RFX8: variants seen among roughly 807,000 people sequenced by gnomAD.
RFX8 encodes regulatory factor X8, also known as DNA-binding protein RFX8.
RFX8 carries 46 observed loss-of-function variants against 54.6 expected under a neutral mutation model. The observed-to-expected ratio is 0.84, with a 90% confidence interval of 0.67 to 1.08. The LOEUF (loss-of-function observed/expected upper bound fraction) is 1.08. Among genes scored for constraint, RFX8 ranks in the 50% least tolerant of loss-of-function variants. RFX8 has a pLI of 0.00. For synonymous variants in RFX8, 192 were observed against 209.5 expected (o/e 0.92, Z 0.72); for missense variants, 536 against 562.3 (o/e 0.95, Z 0.47).
At chr2:101,404,258 G>A (rs1467080182) in intron 10 of RFX8, among the ~76,000 whole-genome samples, 16 of 152,264 alleles carry the variant, frequency 1.1e-4, no homozygotes, top group Admixed American at 2.6e-4. Context: ...CATTGCCCCC[G>A]TGGAAGGCAT....
chr2:101,451,299 C>T lies in RFX8; in HGVS notation c.72+15478G>A, dbSNP rs1229382638. Reference sequence around the variant, plus strand: ...CAATGTCTTCTCGCTGATTTCCCCTCGCAATTTAAAACAAGCAACAAATAG... The same window carrying T: ...CAATGTCTTCTCGCTGATTTCCCCTTGCAATTTAAAACAAGCAACAAATAG... On this transcript the variant is annotated intron_variant, in intron 2 of 11. Coordinates refer to ENST00000428343, the MANE Select transcript of RFX8 (RefSeq NM_001145664.2). Among the ~76,000 whole-genome samples the T allele has an allele frequency of 3.3e-5, 5 of 152,130 alleles. No homozygotes were observed. The South Asian group carries it at 6.2e-4, about 19-fold the overall frequency.
intron 2 of RFX8, chr2:101,450,644 A>G (rs1036733933): frequency 1.3e-5 from 20 of 1,515,184 alleles, no homozygotes; most frequent in Non-Finnish European, 1.4e-5. Flanking sequence ...CATAGAAGAA[A>G]GAGCTTTTCT....
At chr2:101,474,139 C>T (rs1237453615) in intron 1 of RFX8, 3 of 573,608 alleles carry the variant, frequency 5.2e-6, no homozygotes, top group African/African-American at 4.0e-5. Context: ...GTAGCGGGAA[C>T]CACGCTTCCC....
chr2:101,430,285 T>G (rs576332696), intron 2 of RFX8, among the ~76,000 whole-genome samples: 28 of 152,202 alleles, frequency 1.8e-4, no homozygotes, highest in Non-Finnish European at 3.8e-4. Context: ...TTGGAGTGTC[T>G]TAGGAATTCC....
rs566365376 is a variant in RFX8, at chr2:101,462,047, T to A, written c.72+4730A>T. 2.0e-5 allele frequency among the ~76,000 whole-genome samples: 3 copies of A among 152,302 alleles called. No homozygotes were observed. The East Asian group carries it at 5.8e-4, about 29-fold the overall frequency. ...ATTCGGCAGGCCACATATGGGGATC[T>A]ATCCTAAAAAAATGACCAGATATGG... On this transcript the variant is annotated intron_variant, in intron 2 of 11. Coordinates refer to ENST00000428343, the MANE Select transcript of RFX8 (RefSeq NM_001145664.2).
chr2:101,454,614 T>C (rs556966480), intron 2 of RFX8, among the ~76,000 whole-genome samples: 243 of 152,350 alleles, frequency 1.6e-3, no homozygotes, highest in Non-Finnish European at 2.7e-3. Flanking sequence ...TGATATCTCA[T>C]TGTGGTTTTG....
Position 101,431,218 on chromosome 2 carries a change from G to A in RFX8, c.73-8746C>T, listed in dbSNP as rs146595977. On this transcript the variant is annotated intron_variant, in intron 2 of 11. Transcript: ENST00000428343. ...ATGTCAGGCATTGTGCCAGGCCTTG[G>A]TGGATATAGCTGTGATCCAGGGAGA... Among the ~76,000 whole-genome samples the A allele has an allele frequency of 5.6e-4, 86 of 152,284 alleles. 1 individual carries two copies. The East Asian group carries it at 0.012, about 21-fold the overall frequency.
intron 2 of RFX8, among the ~76,000 whole-genome samples, chr2:101,460,438 TG>T (rs143685873): frequency 0.089 from 13,522 of 152,194 alleles, 758 homozygotes; most frequent in East Asian, 0.23. Context: ...TTTCACTTTC[TG>T]GGTTTGATTA....
rs115010133 is a variant in RFX8 at position 101,444,005 on chromosome 2, G to A, written c.73-21533C>T. ...AGTGCTCTGGGTATGTGTATGTAGC[G>A]TCACTACTCTCCACCTGCATGCACA... On this transcript the variant is annotated intron_variant, in intron 2 of 11. Coordinates refer to ENST00000428343, the MANE Select transcript of RFX8 (RefSeq NM_001145664.2). Among the ~76,000 whole-genome samples the A allele has an allele frequency of 4.1e-3, 620 of 152,218 alleles. 5 individuals carry two copies. The highest frequency in any genetic ancestry group is 0.014 in the African/African-American group (564 of 41,578).
chr2:101,465,039 A>G (rs1689498052), intron 2 of RFX8, among the ~76,000 whole-genome samples: 1 of 152,174 alleles, frequency 6.6e-6, no homozygotes. Context: ...AAATGGCAAA[A>G]TATGACCTGG....
intron 1 of RFX8, 149 bp downstream of exon 1, chr2:101,474,487 C>T (rs1690201384): frequency 2.9e-6 from 1 of 345,554 alleles, no homozygotes; most frequent in South Asian, 1.5e-4. Context: ...GGCCACAGCT[C>T]CCCAACCCCC....
At chr2:101,409,885 A>G (rs547923671) in intron 9 of RFX8, among the ~76,000 whole-genome samples, 1 of 152,230 alleles carries the variant, frequency 6.6e-6, no homozygotes, top group Admixed American at 6.5e-5. Flanking sequence ...CTCTCAAGGC[A>G]TTCTCAGCTC....
chr2:101,450,487 CA>C (rs1388351707), intron 2 of RFX8: 8 of 586,672 alleles, frequency 1.4e-5, no homozygotes, highest in Admixed American at 6.1e-5. Context: ...CCCAGCCTCC[CA>C]AAGTGTTGGG....
intron 9 of RFX8, among the ~76,000 whole-genome samples, chr2:101,406,620 G>C (rs1006241333): frequency 6.6e-6 from 1 of 152,082 alleles, no homozygotes; most frequent in Non-Finnish European, 1.5e-5. Context: ...GGGATTAGAG[G>C]CATAAGCCAC....
intron 6 of RFX8, among the ~76,000 whole-genome samples, chr2:101,415,380 A>G (rs952294316): frequency 5.3e-5 from 8 of 152,184 alleles, no homozygotes; most frequent in Admixed American, 3.3e-4. Context: ...CCAGACACCC[A>G]TCTGCTGGTG....
At chr2:101,429,157 C>T in intron 2 of RFX8, 2 of 575,728 alleles carry the variant, frequency 3.5e-6, no homozygotes, top group Non-Finnish European at 6.2e-6. Flanking sequence ...ATGTTTCTAT[C>T]CACGAATGGT....
intron 11 of RFX8, among the ~76,000 whole-genome samples, chr2:101,399,832 C>T (rs948144134): frequency 1.4e-4 from 21 of 152,114 alleles, no homozygotes; most frequent in African/African-American, 4.8e-4. Flanking sequence ...TTGCCCTTAT[C>T]AGATTTGAAG....
At chr2:101,408,964 C>T (rs1573360529) in intron 9 of RFX8, among the ~76,000 whole-genome samples, 1 of 152,234 alleles carries the variant, frequency 6.6e-6, no homozygotes, top group Non-Finnish European at 1.5e-5. Flanking sequence ...CAGAGCCACG[C>T]TTCCAGCCCC....
intron 2 of RFX8, among the ~76,000 whole-genome samples, chr2:101,440,809 G>A (rs964369539): frequency 2.0e-5 from 3 of 152,204 alleles, no homozygotes; most frequent in South Asian, 2.1e-4. Context: ...ACTGAAGTAC[G>A]GCTCCAGCGT....
Sources: gnomAD v4.1 joint callset for allele counts (sites outside exome capture counted in the v4.1 genomes callset) on GRCh38, gnomAD v4.1.1 for gene constraint, MANE v1.5 for transcripts, NCBI Gene and HGNC (gene_info 2026-07-23, HGNC 2026-07-21) for gene names.